The following TMEM132D variants were observed in gnomAD, a reference collection of about 807,000 sequenced individuals.
TMEM132D encodes transmembrane protein 132D.
In TMEM132D, 21 loss-of-function variants were observed where a neutral mutation model predicts 62.3. The observed-to-expected ratio is 0.34, with a 90% CI of 0.24 to 0.49. The LOEUF is 0.49. TMEM132D is among the 20% of genes least tolerant of loss of function. TMEM132D has a pLI of 0.99. For missense variants in TMEM132D, 1,346 were observed against 1,402.8 expected (o/e 0.96, Z 0.65); for synonymous variants, 621 against 575.6 (o/e 1.08, Z -1.13).
At chr12:129,440,740 G>A (rs529562037) in intron 3 of TMEM132D, among the ~76,000 whole-genome samples, 151 of 152,238 alleles carry the variant, frequency 9.9e-4, no homozygotes, top group African/African-American at 3.4e-3. Flanking sequence ...CTTCCCTCTC[G>A]AACGCTGACA....
intron 1 of TMEM132D, among the ~76,000 whole-genome samples, chr12:129,852,017 C>T (rs973441480): frequency 3.9e-5 from 6 of 152,174 alleles, no homozygotes; most frequent in East Asian, 1.9e-4. Context: ...GCTTGACCCT[C>T]GAGCTGCAGC....
At chr12:129,533,556 A>G (rs1270095289) in intron 2 of TMEM132D, among the ~76,000 whole-genome samples, 2 of 152,190 alleles carry the variant, frequency 1.3e-5, no homozygotes, top group South Asian at 2.1e-4. Context: ...GCCTTTTCTG[A>G]TATATAATGG....
chr12:129,292,739 T>G (rs980956806), intron 4 of TMEM132D, among the ~76,000 whole-genome samples: 1 of 152,152 alleles, frequency 6.6e-6, no homozygotes, highest in African/African-American at 2.4e-5. Context: ...CACAGACATA[T>G]TCATAGTTAA....
chr12:129,430,779 GTTGCCAATAA>G (rs1196443333), intron 3 of TMEM132D, among the ~76,000 whole-genome samples: 2 of 152,208 alleles, frequency 1.3e-5, no homozygotes, highest in African/African-American at 2.4e-5. Context: ...GACTTCCCCA[GTTGCCAATAA>G]TTGCAGTCGA....
intron 3 of TMEM132D, among the ~76,000 whole-genome samples, chr12:129,448,785 T>C (rs926920610): frequency 3.9e-5 from 6 of 152,200 alleles, no homozygotes; most frequent in African/African-American, 1.2e-4. Flanking sequence ...CAGCCATGAG[T>C]TCTACCATGT....
At chr12:129,255,676 A>T (rs1880382219) in intron 4 of TMEM132D, among the ~76,000 whole-genome samples, 1 of 151,678 alleles carries the variant, frequency 6.6e-6, no homozygotes, top group East Asian at 1.9e-4. Flanking sequence ...CCTGTCCCTC[A>T]CTCCACCCCC....
chr12:129,571,552 A>G (rs149619846), intron 2 of TMEM132D, among the ~76,000 whole-genome samples: 252 of 152,246 alleles, frequency 1.7e-3, no homozygotes, highest in Non-Finnish European at 2.9e-3. Context: ...CAGCCTGGGT[A>G]ACAGAATGAG....
At chr12:129,754,143 T>C (rs900941965) in intron 1 of TMEM132D, among the ~76,000 whole-genome samples, 1 of 152,176 alleles carries the variant, frequency 6.6e-6, no homozygotes, top group African/African-American at 2.4e-5. Flanking sequence ...GCGGGAAAAG[T>C]AGGTGCTGGC....
chr12:129,119,094 A>G (rs566603021), intron 5 of TMEM132D, among the ~76,000 whole-genome samples: 1 of 152,360 alleles, frequency 6.6e-6, no homozygotes, highest in East Asian at 1.9e-4. Context: ...GGAGGTGGAT[A>G]CCATGACTAA....
At chr12:129,148,591 T>TTTA (rs1331827862) in intron 5 of TMEM132D, among the ~76,000 whole-genome samples, 1 of 152,160 alleles carries the variant, frequency 6.6e-6, no homozygotes, top group Non-Finnish European at 1.5e-5. Context: ...AGTGCCTTGA[T>TTTA]TTATTCCCCA....
At chr12:129,889,348 G>A (rs1874848224) in intron 1 of TMEM132D, among the ~76,000 whole-genome samples, 2 of 152,290 alleles carry the variant, frequency 1.3e-5, no homozygotes, top group East Asian at 3.9e-4. Context: ...GTGGGCAGAA[G>A]TAATAGAGCC....
rs531505781 is a variant in TMEM132D, at chr12:129,259,091, C to G, written c.1300-49428G>C. 1.4e-4 allele frequency among the ~76,000 whole-genome samples: 21 copies of G among 152,318 alleles called. No homozygotes were observed. In the East Asian group the frequency reaches 3.7e-3, roughly 27 times the overall value. On this transcript the variant is annotated intron_variant, in intron 4 of 8. Coordinates refer to ENST00000422113, the MANE Select transcript of TMEM132D (RefSeq NM_133448.3). ...CAGGGTTGTAGACACTCCAGGGCCT[C>G]TTATCTAGTCATCACCTTTCAGCCG...
At chr12:129,649,450 A>G (rs1343480748) in intron 2 of TMEM132D, among the ~76,000 whole-genome samples, 1 of 152,180 alleles carries the variant, frequency 6.6e-6, no homozygotes, top group Non-Finnish European at 1.5e-5. Context: ...TGAGACAGAA[A>G]TTTTGTAATC....
intron 2 of TMEM132D, among the ~76,000 whole-genome samples, chr12:129,623,678 T>TATATAC (rs1487940243): frequency 1.5e-5 from 2 of 136,596 alleles, no homozygotes; most frequent in African/African-American, 6.0e-5. Flanking sequence ...TATATACACA[T>TATATAC]ATATATACAT....
intron 4 of TMEM132D, among the ~76,000 whole-genome samples, chr12:129,214,292 A>C (rs1474068865): frequency 6.6e-6 from 1 of 152,138 alleles, no homozygotes; most frequent in Non-Finnish European, 1.5e-5. Flanking sequence ...TGTTTTTTTA[A>C]ATTTCCTCAT....
chr12:129,736,625 C>A (rs995473296), intron 1 of TMEM132D, among the ~76,000 whole-genome samples: 8 of 134,128 alleles, frequency 6.0e-5, no homozygotes, highest in Non-Finnish European at 9.8e-5. Context: ...GAAAAAAAAA[C>A]TTTCTAATTT....
chr12:129,231,988 A>G (rs931077514), intron 4 of TMEM132D, among the ~76,000 whole-genome samples: 1 of 152,188 alleles, frequency 6.6e-6, no homozygotes, highest in Non-Finnish European at 1.5e-5. Context: ...CACAGGCACC[A>G]GTATTTCTTT....
intron 4 of TMEM132D, among the ~76,000 whole-genome samples, chr12:129,265,040 A>T (rs1521055): frequency 1.3e-5 from 2 of 151,930 alleles, no homozygotes; most frequent in Non-Finnish European, 2.9e-5. Flanking sequence ...ACCAAGGACC[A>T]CCTGTACCCC....
At chr12:129,849,603 A>T (rs983379360) in intron 1 of TMEM132D, among the ~76,000 whole-genome samples, 2 of 152,218 alleles carry the variant, frequency 1.3e-5, no homozygotes, top group Non-Finnish European at 2.9e-5. Context: ...TTTTGGCTTC[A>T]TCATTTACAA....
Sources: allele counts gnomAD v4.1 joint callset (sites outside exome capture counted in the v4.1 genomes callset), GRCh38; gene constraint gnomAD v4.1.1; transcripts MANE v1.5; gene names NCBI Gene and HGNC (gene_info 2026-07-23, HGNC 2026-07-21).